Variants in BCLAF3 observed in about 807,000 individuals in gnomAD.
BCLAF3 encodes the protein BCLAF1 and THRAP3 family member 3.
In BCLAF3, 24 loss-of-function variants were observed where a neutral mutation model predicts 51.2. That is an observed-to-expected ratio of 0.47 (90% CI 0.34 to 0.66). BCLAF3 has a LOEUF of 0.66. Ranked by LOEUF, BCLAF3 falls within the 30% of genes least tolerant of loss-of-function variation. The pLI is 0.01. For synonymous variants in BCLAF3, 152 were observed against 176.6 expected (o/e 0.86, Z 1.10); for missense variants, 465 against 525.1 (o/e 0.89, Z 1.12).
At chrX:19,948,924 C>A (rs5955868) in intron 8 of BCLAF3, among the ~76,000 whole-genome samples, 1 of 109,795 alleles carries the variant, frequency 9.1e-6, no homozygotes, top group Admixed American at 9.7e-5. Context: ...GGGTTTACTT[C>A]TGGGGTGATG....
chrX:19,933,834 A>G (rs1356426069), intron 10 of BCLAF3, among the ~76,000 whole-genome samples: 1 of 111,283 alleles, frequency 9.0e-6, no homozygotes, highest in African/African-American at 3.3e-5. Context: ...GCCGTGGCAC[A>G]ATCTTGGCTC....
intron 4 of BCLAF3, among the ~76,000 whole-genome samples, chrX:19,962,350 T>G (rs1222283331): frequency 9.0e-6 from 1 of 110,593 alleles, no homozygotes; most frequent in African/African-American, 3.3e-5. Flanking sequence ...CCCAGCTAAT[T>G]TTTGTATTTT....
At chrX:19,919,228 G>GT (rs1445297631) in intron 11 of BCLAF3, among the ~76,000 whole-genome samples, 1 of 111,988 alleles carries the variant, frequency 8.9e-6, no homozygotes, top group East Asian at 2.8e-4. Flanking sequence ...TAAGAAGAGT[G>GT]TATCAATGGA....
chrX:19,964,516 T>C (rs1284592049), intron 4 of BCLAF3, among the ~76,000 whole-genome samples: 2 of 110,692 alleles, frequency 1.8e-5, no homozygotes, highest in Non-Finnish European at 3.8e-5. Flanking sequence ...TTAAGTCACC[T>C]GCCTCGTTGA....
intron 8 of BCLAF3, among the ~76,000 whole-genome samples, chrX:19,940,973 T>C (rs2071012077): frequency 9.0e-6 from 1 of 110,922 alleles, no homozygotes; most frequent in African/African-American, 3.3e-5. Context: ...CTAACTGGTG[T>C]GATATGATAT....
intron 2 of BCLAF3, among the ~76,000 whole-genome samples, chrX:19,967,882 C>A (rs750930851): frequency 7.2e-5 from 8 of 111,879 alleles, no homozygotes; most frequent in Non-Finnish European, 1.5e-4. Context: ...GCAATATTGC[C>A]CTCTGGAGTC....
intron 4 of BCLAF3, among the ~76,000 whole-genome samples, chrX:19,957,180 C>T (rs2071695341): frequency 9.0e-6 from 1 of 111,646 alleles, no homozygotes; most frequent in Non-Finnish European, 1.9e-5. Flanking sequence ...GCTGTGGTTT[C>T]GTTGATTCAT....
chrX:19,931,839 A>G (rs2094298738), intron 10 of BCLAF3, among the ~76,000 whole-genome samples: 1 of 112,355 alleles, frequency 8.9e-6, no homozygotes, highest in African/African-American at 3.2e-5. Context: ...AGCACTGGAG[A>G]CATAGCTACT....
intron 1 of BCLAF3, among the ~76,000 whole-genome samples, chrX:19,988,870 A>G (rs1197058859): frequency 8.9e-6 from 1 of 111,758 alleles, no homozygotes; most frequent in Non-Finnish European, 1.9e-5. Flanking sequence ...CCTTTGCCTC[A>G]CCTAGATAAG....
chrX:19,931,916 A>G (rs1215982557), intron 10 of BCLAF3, among the ~76,000 whole-genome samples: 1 of 111,902 alleles, frequency 8.9e-6, no homozygotes, highest in Non-Finnish European at 1.9e-5. Context: ...AAAAGCACAA[A>G]AGAGCATTTA....
intron 1 of BCLAF3, among the ~76,000 whole-genome samples, chrX:19,987,626 A>T (rs1175734412): frequency 1.8e-5 from 2 of 112,468 alleles, no homozygotes; most frequent in Non-Finnish European, 3.8e-5. Context: ...AATTTTTATC[A>T]GTGGTCACAT....
chrX:19,979,916 A>G (rs781080260), intron 1 of BCLAF3, among the ~76,000 whole-genome samples: 3 of 110,287 alleles, frequency 2.7e-5, no homozygotes, highest in African/African-American at 9.9e-5. Flanking sequence ...GGAGAGGGAA[A>G]GGGAGAGAGA....
At chrX:19,947,778 A>G (rs376929336) in intron 8 of BCLAF3, among the ~76,000 whole-genome samples, 6 of 112,409 alleles carry the variant, frequency 5.3e-5, no homozygotes, top group African/African-American at 1.9e-4. Context: ...TGGGGATACA[A>G]CAGTGAGCAA....
rs748679368 is a variant in BCLAF3 at position 19,990,922 on chromosome X, CCCGCCGCCG to C, written c.-58_-50del. Among the ~76,000 whole-genome samples, 2,561 of 84,561 alleles carry C rather than the reference CCCGCCGCCG, an allele frequency of 0.03. 85 individuals carry two copies. Among genetic ancestry groups the C allele is most frequent in the African/African-American group, 0.072 (1,603 of 22,218 alleles). The allele number at this position is 84,561 out of a possible 115,157, so 73.4% of individuals were successfully genotyped here. ...GAGCCGCTCACCCGGCCGGGAAGCC[CCCGCCGCCG>C]CCGCCGCCGCCGCCGCCGCCGCCGC... On this transcript the variant is annotated 5_prime_UTR_variant, in exon 1 of 12. Transcript: ENST00000379682.
Position 19,935,927 on chromosome X carries a change from T to A in BCLAF3, c.1861-29A>T, listed in dbSNP as rs778309793. Reference sequence around the variant, plus strand: ...CACGAAAAAAAGTAGTAGTGTGGGTTAACAGACTTTAAAGTTTACTTTAAA... The same window carrying A: ...CACGAAAAAAAGTAGTAGTGTGGGTAAACAGACTTTAAAGTTTACTTTAAA... On this transcript the variant is annotated intron_variant, in intron 9 of 11. Coordinates refer to ENST00000379682, the MANE Select transcript of BCLAF3 (RefSeq NM_001367774.2). 14 of 1,072,388 alleles carry A rather than the reference T, an allele frequency of 1.3e-5. No homozygotes were observed. The African/African-American group carries it at 2.6e-4, about 20-fold the overall frequency. The allele number at this position is 1,072,388 out of a possible 1,213,427, so 88.4% of individuals were successfully genotyped here. A position where few individuals can be genotyped will look rare whatever the true frequency, so the allele number is the denominator to read the frequency against.
chrX:19,938,852 C>A (rs2070883458), intron 8 of BCLAF3, among the ~76,000 whole-genome samples: 2 of 112,739 alleles, frequency 1.8e-5, no homozygotes, highest in South Asian at 3.6e-4. Context: ...GTTTCCTAAA[C>A]CCTTCTGAGG....
At chrX:19,987,707 G>C (rs1429628785) in intron 1 of BCLAF3, among the ~76,000 whole-genome samples, 7 of 112,419 alleles carry the variant, frequency 6.2e-5, no homozygotes, top group Admixed American at 1.9e-4. Context: ...AGTTAGAAGA[G>C]ACCTACTTTC....
Position 19,965,036 on chromosome X carries a change from G to A in BCLAF3, c.1274+8C>T, listed in dbSNP as rs2071998573. The A allele has an allele frequency of 9.0e-7, 1 of 1,115,980 alleles. No homozygotes were observed. Among genetic ancestry groups the A allele is most frequent in the Non-Finnish European group, 1.2e-6 (1 of 840,837 alleles). 92.0% of individuals were successfully genotyped at this position (1,115,980 alleles called of 1,213,427 possible). ...TTAAATATCATAAAGAAAAAACAAA[G>A]ATAATACCTGAATGTATCTACTGTT... On this transcript the variant is annotated splice_region_variant and intron_variant, in intron 4 of 11. Transcript: ENST00000379682.
chrX:19,946,608 A>C (rs1029388590), intron 8 of BCLAF3, among the ~76,000 whole-genome samples: 13 of 111,634 alleles, frequency 1.2e-4, no homozygotes, highest in African/African-American at 4.2e-4. Context: ...TAGAACCCAA[A>C]ATGTTTTCTA....
Sources: allele counts gnomAD v4.1 joint callset (sites outside exome capture counted in the v4.1 genomes callset), GRCh38; gene constraint gnomAD v4.1.1; transcripts MANE v1.5; gene names NCBI Gene and HGNC (gene_info 2026-07-23, HGNC 2026-07-21).